Variants in TRMT11 observed in about 807,000 individuals in gnomAD.
TRMT11 encodes tRNA (guanine(10)-N(2))-methyltransferase TRMT11.
A neutral mutation model predicts 62.8 loss-of-function variants in TRMT11; 53 were observed. The ratio of observed to expected loss-of-function variants is 0.84; its 90% confidence interval spans 0.68 to 1.06. The LOEUF is 1.06. Ranked by LOEUF, TRMT11 falls within the 50% of genes least tolerant of loss-of-function variation. The pLI is 0.00. For missense variants in TRMT11, 556 were observed against 553.4 expected (o/e 1.00, Z -0.05); for synonymous variants, 188 against 190.3 (o/e 0.99, Z 0.10).
At chr6:126,223,658 G>C in the TRMT11 span, among the ~76,000 whole-genome samples, 3 of 152,102 alleles carry the variant, frequency 2.0e-5, no homozygotes, top group African/African-American at 7.2e-5. Flanking sequence ...GTCTTGTATA[G>C]TATCTTGCAA....
At chr6:126,021,651 AT>A (rs1430085986) in intron 12 of TRMT11, among the ~76,000 whole-genome samples, 1 of 152,232 alleles carries the variant, frequency 6.6e-6, no homozygotes, top group African/African-American at 2.4e-5. Flanking sequence ...GCAGACTGTA[AT>A]GAAGAGAATA....
At chr6:126,037,437 A>G (rs1314027458) in intron 12 of TRMT11, among the ~76,000 whole-genome samples, 1 of 152,082 alleles carries the variant, frequency 6.6e-6, no homozygotes, top group African/African-American at 2.4e-5. Flanking sequence ...ACTCTCTAAA[A>G]TTTATCTTTT....
chr6:126,187,487 C>T (rs770502469), intron 1 of TRMT11, among the ~76,000 whole-genome samples: 1 of 151,942 alleles, frequency 6.6e-6, no homozygotes. Context: ...ATAAATATCA[C>T]GTCTGTAAAT....
At chr6:126,168,195 C>A (rs1051723869) in intron 21 of TRMT11, among the ~76,000 whole-genome samples, 5 of 152,208 alleles carry the variant, frequency 3.3e-5, no homozygotes, top group African/African-American at 1.2e-4. Flanking sequence ...CCTTCTCTTA[C>A]ACCGGCAACC....
intron 21 of TRMT11, among the ~76,000 whole-genome samples, chr6:126,151,935 C>CTTTCTTTCTT (rs1778060428): frequency 2.1e-5 from 2 of 94,768 alleles, no homozygotes; most frequent in African/African-American, 1.0e-4. Flanking sequence ...TTCTTTCTTT[C>CTTTCTTTCTT]TTTCTTTCTT....
chr6:126,243,877 A>G, the TRMT11 span, among the ~76,000 whole-genome samples: 1 of 152,320 alleles, frequency 6.6e-6, no homozygotes, highest in East Asian at 1.9e-4. Context: ...GCACATGTAT[A>G]CATATGTAAC....
intron 17 of TRMT11, among the ~76,000 whole-genome samples, chr6:126,096,538 T>A (rs1053454341): frequency 6.6e-6 from 1 of 151,336 alleles, no homozygotes; most frequent in African/African-American, 2.5e-5. Flanking sequence ...AAAGCTCAAA[T>A]AAATTAGATT....
chr6:126,247,945 A>G, the TRMT11 span, among the ~76,000 whole-genome samples: 24 of 152,250 alleles, frequency 1.6e-4, no homozygotes, highest in African/African-American at 5.1e-4. Flanking sequence ...GACCACAGCT[A>G]TACAGAGGCT....
At chr6:126,022,171 G>A (rs1041029619) in intron 12 of TRMT11, among the ~76,000 whole-genome samples, 2 of 145,860 alleles carry the variant, frequency 1.4e-5, no homozygotes, top group Non-Finnish European at 3.0e-5. Context: ...AGCCTCCTGA[G>A]TAGCTGGGAT....
At chr6:126,090,775 T>C (rs941798704) in intron 17 of TRMT11, among the ~76,000 whole-genome samples, 3 of 152,162 alleles carry the variant, frequency 2.0e-5, no homozygotes, top group Non-Finnish European at 4.4e-5. Flanking sequence ...TGAGAGAGAA[T>C]CTCAATCCAT....
intron 21 of TRMT11, among the ~76,000 whole-genome samples, chr6:126,143,026 GCACTAATGTTGTA>G (rs1301778475): frequency 1.3e-5 from 2 of 151,948 alleles, no homozygotes; most frequent in Non-Finnish European, 2.9e-5. Context: ...ATTAGTTCAG[GCACTAATGTTGTA>G]TACACTGTAT....
At chr6:126,059,557 C>T (rs1456572893) in intron 17 of TRMT11, among the ~76,000 whole-genome samples, 1 of 152,218 alleles carries the variant, frequency 6.6e-6, no homozygotes, top group East Asian at 1.9e-4. Flanking sequence ...TGCTAAGTAT[C>T]TGACATTGTG....
intron 12 of TRMT11, among the ~76,000 whole-genome samples, chr6:126,036,320 C>T (rs1175416434): frequency 6.6e-6 from 1 of 151,992 alleles, no homozygotes; most frequent in Non-Finnish European, 1.5e-5. Flanking sequence ...TTTAGCCAAG[C>T]GGTTGGCATA....
chr6:126,008,777 G>A, intron 8 of TRMT11: 1 of 533,228 alleles, frequency 1.9e-6, no homozygotes, highest in Admixed American at 2.3e-5. Context: ...TAGTAGTTAA[G>A]TTCTGGGGGA....
intron 17 of TRMT11, among the ~76,000 whole-genome samples, chr6:126,067,537 T>G (rs1426519228): frequency 6.6e-6 from 1 of 152,212 alleles, no homozygotes; most frequent in Non-Finnish European, 1.5e-5. Context: ...TTGTGTGGGA[T>G]TTTACTGTGT....
At chr6:126,272,339 TG>T in the TRMT11 span, among the ~76,000 whole-genome samples, 5 of 152,192 alleles carry the variant, frequency 3.3e-5, no homozygotes, top group African/African-American at 7.2e-5. Context: ...AAAATTTTGA[TG>T]TTTTTTGCAT....
intron 1 of TRMT11, among the ~76,000 whole-genome samples, chr6:126,190,049 T>C (rs1031276406): frequency 6.6e-6 from 1 of 152,186 alleles, no homozygotes; most frequent in African/African-American, 2.4e-5. Flanking sequence ...CTTTTCTTTG[T>C]GTTGGAAACA....
chr6:126,210,717 G>A, the TRMT11 span, among the ~76,000 whole-genome samples: 3 of 152,140 alleles, frequency 2.0e-5, no homozygotes, highest in Non-Finnish European at 4.4e-5. Context: ...CAATTGCAAT[G>A]TGTTCAAATC....
At chr6:126,151,847 T>TCC (rs1778051953) in intron 21 of TRMT11, among the ~76,000 whole-genome samples, 5 of 144,730 alleles carry the variant, frequency 3.5e-5, no homozygotes, top group East Asian at 4.0e-4. Flanking sequence ...TCTTTCTTTC[T>TCC]TTCTTTCTTT....
Sources: allele counts gnomAD v4.1 joint callset (sites outside exome capture counted in the v4.1 genomes callset), GRCh38; gene constraint gnomAD v4.1.1; transcripts MANE v1.5; gene names NCBI Gene and HGNC (gene_info 2026-07-23, HGNC 2026-07-21).